Variants in LIPM observed in about 807,000 individuals in gnomAD.
The protein encoded by LIPM is lipase member M.
LIPM carries 42 observed loss-of-function variants against 42.4 expected under a neutral mutation model. The observed-to-expected ratio is 0.99, with a 90% confidence interval of 0.77 to 1.28. The LOEUF (loss-of-function observed/expected upper bound fraction) is 1.28, where lower values mean the gene tolerates loss of function less well. LIPM is among the 50% of genes most tolerant of loss of function. LIPM has a pLI of 0.00. For synonymous variants in LIPM, 177 were observed against 173.3 expected (o/e 1.02, Z -0.17); for missense variants, 524 against 520.1 (o/e 1.01, Z -0.07).
intron 3 of LIPM, among the ~76,000 whole-genome samples, chr10:88,813,801 G>T (rs1371253504): frequency 1.3e-5 from 2 of 152,126 alleles, no homozygotes; most frequent in Admixed American, 6.5e-5. Flanking sequence ...ATGGCAGAAG[G>T]TGAAGGGGAA....
intron 2 of LIPM, 102 bp from the exon 3 acceptor site, chr10:88,812,995 G>A: frequency 1.0e-6 from 1 of 999,956 alleles, no homozygotes; most frequent in East Asian, 2.7e-5. Flanking sequence ...GCTGAATCAA[G>A]ATCTGAACAC....
intron 2 of LIPM, among the ~76,000 whole-genome samples, chr10:88,810,951 A>G (rs1843647888): frequency 6.6e-6 from 1 of 152,232 alleles, no homozygotes; most frequent in Non-Finnish European, 1.5e-5. Context: ...AGGATGAACT[A>G]AATGACCAGA....
chr10:88,818,046 G>A (rs1032801244), intron 8 of LIPM, 150 bp downstream of exon 8: 9 of 675,696 alleles, frequency 1.3e-5, no homozygotes, highest in Non-Finnish European at 2.2e-5. Flanking sequence ...TTTGAAAATG[G>A]TTAAGTTCAC....
intron 4 of LIPM, 78 bp from the exon 5 acceptor site, chr10:88,815,010 G>A (rs1843700840): frequency 1.5e-6 from 2 of 1,306,050 alleles, no homozygotes; most frequent in Non-Finnish European, 1.0e-6. Flanking sequence ...ATTGAAATAT[G>A]TATTTAAAAG....
Position 88,815,517 on chromosome 10 carries a change from TAGTAAATTCCC to T in LIPM, c.858+17_858+27del, listed in dbSNP as rs764404510. 15 of 1,549,006 alleles carry T rather than the reference TAGTAAATTCCC, an allele frequency of 9.7e-6. No homozygotes were observed. In the South Asian group the frequency reaches 1.7e-4, roughly 17 times the overall value. ...AATATGAACATGGTAAGTGGGAGCCTAGTAAATTCCCAGCATCCCAGCATAAAGCTGGGAGT... is the reference window on the plus strand; with the variant it reads ...AATATGAACATGGTAAGTGGGAGCCTAGCATCCCAGCATAAAGCTGGGAGT... On this transcript the variant is annotated intron_variant, in intron 6 of 8. Transcript: ENST00000404743.
chr10:88,811,280 A>G (rs1048851699), intron 2 of LIPM, among the ~76,000 whole-genome samples: 1 of 152,210 alleles, frequency 6.6e-6, no homozygotes, highest in Non-Finnish European at 1.5e-5. Flanking sequence ...GAGGTGGGCA[A>G]TTGTCCTCAT....
At position 88,814,558 on chromosome 10, in the gene LIPM, C is replaced by T. The variant is rs750439349; in HGVS notation, c.493C>T (p.Pro165Ser). Residue 165 changes from proline to serine, a missense_variant, in exon 4 of 9, where the codon CCT becomes TCT. Pro to Ser is a moderately conservative substitution (Grantham distance 74). Coordinates refer to ENST00000404743, the MANE Select transcript of LIPM (RefSeq NM_001128215.1). ...TGATGAGATGGCTAGGTTTGACCTT[C>T]CTGCAGTGATAAACTTTATTTTGCA... ...SYDEMARFDL[P>S]AVINFILQKT... 1.3e-6 allele frequency: 2 copies of T among 1,551,466 alleles called. No homozygotes were observed. The highest frequency in any genetic ancestry group is 2.4e-5 in the South Asian group (2 of 84,046).
In LIPM at chr10:88,816,802, A is replaced by C; in HGVS notation, c.859-14A>C. On this transcript the variant is annotated splice_polypyrimidine_tract_variant and intron_variant, in intron 6 of 8. Coordinates refer to ENST00000404743, the MANE Select transcript of LIPM (RefSeq NM_001128215.1). ...TTTTTCTATGTCCCCCAGAATACTC[A>C]TGGTTTGTTACAGAGCCGAGCAAGT... 1.3e-6 allele frequency: 2 copies of C among 1,545,442 alleles called. No homozygotes were observed. Among genetic ancestry groups the C allele is most frequent in the African/African-American group, 2.7e-5 (2 of 73,034 alleles).
rs765950068 is a variant in LIPM at position 88,814,532 on chromosome 10, AT to A, written c.468del (p.Tyr156Ter). ...IDQDEFWAFS[Y>X]DEMARFDLPA... ...AACTTTGTCTTTTCCCCTTGTAGTT[AT>A]GATGAGATGGCTAGGTTTGACCTTC... On this transcript the variant is annotated frameshift_variant, in exon 4 of 9. Transcript: ENST00000404743. LOFTEE classifies it high-confidence loss of function. The A allele has an allele frequency of 1.9e-6, 3 of 1,547,084 alleles. No individual in the cohort carries two copies. The highest frequency in any genetic ancestry group is 2.6e-6 in the Non-Finnish European group (3 of 1,142,832).
At chr10:88,814,468 G>A (rs1843693354) in intron 3 of LIPM, 62 bp from the exon 4 acceptor site, 2 of 1,148,310 alleles carry the variant, frequency 1.7e-6, no homozygotes, top group Non-Finnish European at 2.5e-6. Flanking sequence ...CTGGTGTCGG[G>A]GGGAGCTTTT....
In LIPM at chr10:88,813,167, C is replaced by G; in HGVS notation, c.336C>G (p.Pro112=). 1.2e-6 allele frequency: 2 copies of G among 1,613,180 alleles called. No individual in the cohort carries two copies. The highest frequency in any genetic ancestry group is 1.7e-6 in the Non-Finnish European group (2 of 1,179,582). Residue 112 remains proline, a synonymous_variant, in exon 3 of 9, where the codon CCC becomes CCG. Transcript: ENST00000404743. ...CTAGCAACTGGATTTCCAACCTGCC[C>G]AACAATAGCCTGGGCTTCATTCTGG... ...GGASNWISNL[P]NNSLGFILAD...
At position 88,820,530 on chromosome 10, in the gene LIPM, A is replaced by T. The variant is rs754495553; in HGVS notation, c.*29A>T. On this transcript the variant is annotated 3_prime_UTR_variant, in exon 9 of 9. Coordinates refer to ENST00000404743, the MANE Select transcript of LIPM (RefSeq NM_001128215.1). Reference sequence around the variant, plus strand: ...ATCTGACACTGACGATCTTAGGACAACCTCCTGAGGGATGGGGCTAGGACC... The same window carrying T: ...ATCTGACACTGACGATCTTAGGACATCCTCCTGAGGGATGGGGCTAGGACC... 3 of 1,538,742 alleles carry T rather than the reference A, an allele frequency of 1.9e-6. No individual in the cohort carries two copies. The highest frequency in any genetic ancestry group is 2.6e-6 in the Non-Finnish European group (3 of 1,142,146).
At position 88,802,948 on chromosome 10, in the gene LIPM, T is replaced by A. The variant is rs117982455; in HGVS notation, c.52T>A (p.Trp18Arg). The part of the protein sequence containing the change: ...QWIVSHRMEM[W>R]LLILVAYMFQ... ...GATTGTCTCACACAGAATGGAAATG[T>A]GGCTTCTGATTCTGGTGGCGTATAT... Residue 18 changes from tryptophan (W) to arginine (R), a missense_variant, in exon 1 of 9, where the codon TGG becomes AGG. Coordinates refer to ENST00000404743, the MANE Select transcript of LIPM (RefSeq NM_001128215.1). 6.6e-3 allele frequency: 10,232 copies of A among 1,551,152 alleles called. 371 individuals are homozygous for A. The East Asian group carries it at 0.079, about 12-fold the overall frequency.
At chr10:88,812,996 A>G in intron 2 of LIPM, 101 bp from the exon 3 acceptor site, 1 of 1,009,080 alleles carries the variant, frequency 9.9e-7, no homozygotes, top group Non-Finnish European at 1.5e-6. Flanking sequence ...CTGAATCAAG[A>G]TCTGAACACA....
At chr10:88,803,136 G>A in intron 1 of LIPM, 93 bp downstream of exon 1, 3 of 1,334,354 alleles carry the variant, frequency 2.2e-6, no homozygotes, top group Non-Finnish European at 3.1e-6. Context: ...ATACATGGTG[G>A]TGATTCATAC....
rs1843702468 is a variant in LIPM at position 88,815,131 on chromosome 10, C to A, written c.618C>A (p.Ile206=). 1.3e-6 allele frequency: 2 copies of A among 1,550,822 alleles called. No individual in the cohort carries two copies. The highest frequency in any genetic ancestry group is 1.7e-6 in the Non-Finnish European group (2 of 1,146,746). The change falls in exon 5 of 9, where the codon ATC becomes ATA. Residue 206 remains isoleucine, a synonymous_variant. Transcript: ENST00000404743. ...CCATGCCAGAGCTGGCTCAGAAAAT[C>A]AAAATGTATTTTGCTTTAGCACCCA... The part of the protein sequence containing the change: ...FSTMPELAQK[I]KMYFALAPIA...
intron 6 of LIPM, among the ~76,000 whole-genome samples, chr10:88,816,271 C>T (rs1843717531): frequency 6.6e-6 from 1 of 152,138 alleles, no homozygotes; most frequent in Non-Finnish European, 1.5e-5. Context: ...GGGCTGTTTG[C>T]CAGCAGCACT....
chr10:88,817,862 G>T lies in LIPM; in HGVS notation c.968G>T (p.Gly323Val). The T allele has an allele frequency of 6.4e-7, 1 of 1,551,342 alleles. No individual in the cohort carries two copies. ...GGTGAACTCCGGGCATTTGACTGGGGGAGTGAGACCAAAAATCTGGAAAAA... is the reference window on the plus strand; with the variant it reads ...GGTGAACTCCGGGCATTTGACTGGGTGAGTGAGACCAAAAATCTGGAAAAA... ...NSGELRAFDW[G>V]SETKNLEKCN... Residue 323 changes from glycine (G) to valine (V), a missense_variant, in exon 8 of 9, where the codon GGG (glycine) becomes GTG (valine). Physicochemically the swap from Gly to Val is moderately radical, Grantham distance 109. Transcript: ENST00000404743.
chr10:88,815,887 CT>C (rs1241917272), intron 6 of LIPM, among the ~76,000 whole-genome samples: 1 of 152,134 alleles, frequency 6.6e-6, no homozygotes, highest in Non-Finnish European at 1.5e-5. Flanking sequence ...CATCAGGGAC[CT>C]TCATTTTGGC....
Sources: allele counts gnomAD v4.1 joint callset (sites outside exome capture counted in the v4.1 genomes callset), GRCh38; gene constraint gnomAD v4.1.1; transcripts MANE v1.5; gene names NCBI Gene and HGNC (gene_info 2026-07-23, HGNC 2026-07-21).